Variants in ABCB1 observed in about 807,000 individuals in gnomAD.
ABCB1 encodes the protein ATP binding cassette subfamily B member 1.
Under a neutral mutation model 142.0 loss-of-function variants are expected in ABCB1, and 69 were observed. The ratio of observed to expected loss-of-function variants is 0.49; its 90% CI spans 0.40 to 0.59. ABCB1 has a LOEUF of 0.59. Among genes scored for constraint, ABCB1 ranks in the 20% least tolerant of loss-of-function variants. ABCB1 has a pLI of 0.00. For synonymous variants in ABCB1, 532 were observed against 539.2 expected, an observed-to-expected ratio of 0.99 and a Z score of 0.18; for missense variants, 1,326 against 1,554.7, an observed-to-expected ratio of 0.85 and a Z score of 2.47.
chr7:87,697,545 A>T, intron 1 of ABCB1, among the ~76,000 whole-genome samples: 1 of 152,244 alleles, frequency 6.6e-6, no homozygotes, highest in Non-Finnish European at 1.5e-5. Flanking sequence ...AGATTTCTCT[A>T]GATTCCAAAG....
chr7:87,507,212 GGTGT>G, intron 26 of ABCB1, among the ~76,000 whole-genome samples: 1 of 152,180 alleles, frequency 6.6e-6, no homozygotes, highest in East Asian at 1.9e-4. Context: ...GGTGTCTACA[GGTGT>G]GTTCTGTGTG....
chr7:87,531,610 G>T, intron 20 of ABCB1, 113 bp from the exon 21 acceptor site: 1 of 968,688 alleles, frequency 1.0e-6, no homozygotes, highest in Non-Finnish European at 1.6e-6. Flanking sequence ...TATCAGTAAT[G>T]AACTAAAAAG....
At chr7:87,687,970 G>T (rs1046625692) in intron 1 of ABCB1, among the ~76,000 whole-genome samples, 14 of 152,104 alleles carry the variant, frequency 9.2e-5, no homozygotes, top group African/African-American at 2.9e-4. Flanking sequence ...TGGAAAATGA[G>T]ACTTAAATTG....
chr7:87,578,135 T>C (rs1398068247), intron 4 of ABCB1, among the ~76,000 whole-genome samples: 5 of 152,232 alleles, frequency 3.3e-5, no homozygotes, highest in Non-Finnish European at 1.5e-5. Flanking sequence ...TTTTTATGCA[T>C]ATGGATATCC....
intron 1 of ABCB1, among the ~76,000 whole-genome samples, chr7:87,626,099 TTGTCATATATATG>T (rs1438999161): frequency 1.0e-5 from 1 of 95,500 alleles, no homozygotes; most frequent in African/African-American, 5.3e-5. Flanking sequence ...TATATATATA[TTGTCATATATATG>T]TGTCATATAT....
chr7:87,525,136 A>G (rs1273863861), intron 21 of ABCB1, among the ~76,000 whole-genome samples: 1 of 152,188 alleles, frequency 6.6e-6, no homozygotes, highest in African/African-American at 2.4e-5. Context: ...GCATCCTCAC[A>G]GCTTTGTTTA....
intron 1 of ABCB1, among the ~76,000 whole-genome samples, chr7:87,608,665 G>GT (rs942384350): frequency 1.1e-3 from 172 of 151,916 alleles, no homozygotes; most frequent in African/African-American, 3.7e-3. Flanking sequence ...TTCCCTTTTA[G>GT]TTTTTTTTAT....
At chr7:87,672,575 G>T (rs1377374353) in intron 1 of ABCB1, among the ~76,000 whole-genome samples, 1 of 152,176 alleles carries the variant, frequency 6.6e-6, no homozygotes, top group Non-Finnish European at 1.5e-5. Context: ...CACTTTGCCA[G>T]AGCTGCAACT....
intron 3 of ABCB1, 23 bp from the exon 4 acceptor site, chr7:87,585,703 A>T (rs1336720652): frequency 6.2e-7 from 1 of 1,610,910 alleles, no homozygotes; most frequent in East Asian, 2.2e-5. Flanking sequence ...AAAAAAGAAT[A>T]GCAGAGGAAA....
At chr7:87,555,696 G>C (rs563201405) in intron 8 of ABCB1, among the ~76,000 whole-genome samples, 1 of 152,132 alleles carries the variant, frequency 6.6e-6, no homozygotes, top group Admixed American at 6.5e-5. Flanking sequence ...AATTATTTTT[G>C]AGAAACGTTT....
intron 4 of ABCB1, among the ~76,000 whole-genome samples, chr7:87,578,993 G>A (rs1282656322): frequency 2.0e-5 from 3 of 152,142 alleles, no homozygotes; most frequent in African/African-American, 4.8e-5. Flanking sequence ...GCGCCCGGCC[G>A]AGATTACTTT....
intron 1 of ABCB1, among the ~76,000 whole-genome samples, chr7:87,701,822 A>G (rs1206974590): frequency 6.6e-6 from 1 of 152,160 alleles, no homozygotes; most frequent in East Asian, 1.9e-4. Flanking sequence ...TCTTGTAAAG[A>G]CACTAAAGAG....
intron 27 of ABCB1, among the ~76,000 whole-genome samples, chr7:87,505,264 G>A (rs1814683982): frequency 6.6e-6 from 1 of 152,134 alleles, no homozygotes; most frequent in Non-Finnish European, 1.5e-5. Flanking sequence ...GGCAGTAGGT[G>A]CCGGCCAGCA....
intron 8 of ABCB1, among the ~76,000 whole-genome samples, chr7:87,558,020 T>C (rs940939695): frequency 3.3e-5 from 5 of 152,148 alleles, no homozygotes; most frequent in African/African-American, 9.7e-5. Context: ...CATGTCTCAG[T>C]CTTGGCACCA....
intron 25 of ABCB1, among the ~76,000 whole-genome samples, chr7:87,510,532 T>G (rs1814959692): frequency 6.6e-6 from 1 of 152,242 alleles, no homozygotes; most frequent in African/African-American, 2.4e-5. Context: ...TTTCTGGCAT[T>G]CAAGTGAGAG....
At chr7:87,544,058 A>G in intron 17 of ABCB1, 71 bp downstream of exon 17, 2 of 1,579,320 alleles carry the variant, frequency 1.3e-6, no homozygotes, top group Non-Finnish European at 1.7e-6. Context: ...CAGTTCAGAC[A>G]CAAGCACTTT....
intron 19 of ABCB1, 102 bp from the exon 20 acceptor site, chr7:87,536,643 T>C (rs868755592): frequency 8.7e-6 from 8 of 916,222 alleles, no homozygotes; most frequent in Middle Eastern, 4.2e-4. Flanking sequence ...TTATACCCCC[T>C]GCATTTAGTA....
At chr7:87,540,956 G>A (rs758172083) in intron 18 of ABCB1, among the ~76,000 whole-genome samples, 3 of 152,116 alleles carry the variant, frequency 2.0e-5, no homozygotes, top group Admixed American at 6.5e-5. Context: ...CATGTGACCC[G>A]CTTATGGGGT....
intron 1 of ABCB1, among the ~76,000 whole-genome samples, chr7:87,684,708 A>C (rs1040808467): frequency 1.4e-5 from 2 of 138,090 alleles, no homozygotes; most frequent in Non-Finnish European, 3.1e-5. Flanking sequence ...AGATCGTGCC[A>C]CTGCACTCCA....
Sources: allele counts gnomAD v4.1 joint callset (sites outside exome capture counted in the v4.1 genomes callset), GRCh38; gene constraint gnomAD v4.1.1; transcripts MANE v1.5; gene names NCBI Gene and HGNC (gene_info 2026-07-23, HGNC 2026-07-21).